Variants in RAC1 observed in about 807,000 individuals in gnomAD.
The protein encoded by RAC1 is Rac family small GTPase 1, also known as ras-related C3 botulinum toxin substrate 1.
Under a neutral mutation model 25.2 loss-of-function variants are expected in RAC1, and 2 were observed. That is an observed-to-expected ratio of 0.08 (90% CI 0.03 to 0.25). The LOEUF (loss-of-function observed/expected upper bound fraction) is 0.25. Among genes scored for constraint, RAC1 ranks in the 10% least tolerant of loss-of-function variants. The pLI, the probability that RAC1 is intolerant of heterozygous loss-of-function variation, is 1.00. For missense variants in RAC1, 50 were observed against 235.7 expected, an observed-to-expected ratio of 0.21 and a Z score of 5.16; for synonymous variants, 88 against 94.0, an observed-to-expected ratio of 0.94 and a Z score of 0.37.
At chr7:6,375,544 G>T (rs2115178530) in intron 1 of RAC1, among the ~76,000 whole-genome samples, 1 of 152,180 alleles carries the variant, frequency 6.6e-6, no homozygotes, top group South Asian at 2.1e-4. Flanking sequence ...CAGGTTTTTT[G>T]ACTTACACTT....
chr7:6,390,087 C>T (rs1286586541), intron 2 of RAC1, among the ~76,000 whole-genome samples: 2 of 109,446 alleles, frequency 1.8e-5, no homozygotes, highest in African/African-American at 7.5e-5. Flanking sequence ...TTGCTCCCTC[C>T]CTCCCTCCCT....
intron 2 of RAC1, among the ~76,000 whole-genome samples, chr7:6,391,107 A>C (rs1783079774): frequency 6.6e-6 from 1 of 152,200 alleles, no homozygotes; most frequent in Non-Finnish European, 1.5e-5. Flanking sequence ...CATGTTGGCC[A>C]GGCTGGTCTC....
At chr7:6,377,990 C>A (rs747867638) in intron 1 of RAC1, among the ~76,000 whole-genome samples, 17 of 152,160 alleles carry the variant, frequency 1.1e-4, no homozygotes, top group African/African-American at 1.7e-4. Context: ...TCCTTTCAGG[C>A]TGTACGTCCC....
intron 2 of RAC1, among the ~76,000 whole-genome samples, chr7:6,388,821 G>C (rs886491991): frequency 3.3e-5 from 5 of 152,182 alleles, no homozygotes; most frequent in Non-Finnish European, 4.4e-5. Context: ...GCTGGGTTCA[G>C]TGTTGTCCCT....
intron 1 of RAC1, among the ~76,000 whole-genome samples, chr7:6,384,547 A>G (rs1782867673): frequency 6.6e-6 from 1 of 152,168 alleles, no homozygotes; most frequent in Non-Finnish European, 1.5e-5. Flanking sequence ...GTGTGATCAC[A>G]GCTCACTGCT....
At chr7:6,399,648 G>T (rs552096047) in intron 3 of RAC1, among the ~76,000 whole-genome samples, 1 of 152,326 alleles carries the variant, frequency 6.6e-6, no homozygotes, top group East Asian at 1.9e-4. Context: ...CCTTGTGGAG[G>T]GAAGGGCTCA....
intron 3 of RAC1, among the ~76,000 whole-genome samples, chr7:6,393,592 C>T (rs376394524): frequency 1.7e-4 from 26 of 152,298 alleles, no homozygotes; most frequent in East Asian, 1.5e-3. Context: ...TAGAGTGTGA[C>T]GCCTGGTATC....
intron 4 of RAC1, among the ~76,000 whole-genome samples, chr7:6,400,394 A>G (rs1783363565): frequency 6.6e-6 from 1 of 151,766 alleles, no homozygotes; most frequent in African/African-American, 2.4e-5. Context: ...TAGTGGTGAC[A>G]TCAGAGCTCA....
intron 1 of RAC1, among the ~76,000 whole-genome samples, chr7:6,382,423 AT>A (rs1451246012): frequency 1.3e-5 from 2 of 152,170 alleles, no homozygotes; most frequent in African/African-American, 4.8e-5. Context: ...GAAAGTTGTT[AT>A]TTTTTGAGCT....
chr7:6,386,691 G>A (rs1782932499), intron 1 of RAC1, among the ~76,000 whole-genome samples: 1 of 151,304 alleles, frequency 6.6e-6, no homozygotes, highest in Non-Finnish European at 1.5e-5. Context: ...GGCTGAGGCA[G>A]GAGAATCGCT....
chr7:6,384,329 C>T (rs1239593490), intron 1 of RAC1, among the ~76,000 whole-genome samples: 6 of 152,312 alleles, frequency 3.9e-5, no homozygotes, highest in Middle Eastern at 3.4e-3. Context: ...GAGTCCCTGG[C>T]GTCCTCAGGC....
intron 2 of RAC1, among the ~76,000 whole-genome samples, 182 bp downstream of exon 2, chr7:6,387,465 G>A (rs1223619793): frequency 6.6e-6 from 1 of 152,096 alleles, no homozygotes; most frequent in Non-Finnish European, 1.5e-5. Context: ...GCTGGGGGTG[G>A]TGATCTCAGC....
rs1310344413 is a variant in RAC1 at position 6,400,106 on chromosome 7, C to T, written c.226-20C>T. Reference sequence around the variant, plus strand: ...TCTAAGGTTGTTGTCTAAATGTTTCCCTGTGTTTCCTTTTTGTAGGATGTG... The same window carrying T: ...TCTAAGGTTGTTGTCTAAATGTTTCTCTGTGTTTCCTTTTTGTAGGATGTG... On this transcript the variant is annotated intron_variant, in intron 3 of 5. Transcript: ENST00000348035. The T allele has an allele frequency of 1.9e-6, 3 of 1,599,108 alleles. No individual in the cohort carries two copies. The South Asian group carries it at 3.3e-5, about 18-fold the overall frequency.
intron 3 of RAC1, among the ~76,000 whole-genome samples, chr7:6,397,050 A>AG (rs1783258326): frequency 6.9e-6 from 1 of 144,742 alleles, no homozygotes; most frequent in Non-Finnish European, 1.5e-5. Context: ...AAAAAAAAAA[A>AG]AAAAGAAAAG....
At chr7:6,382,698 A>G (rs1317071978) in intron 1 of RAC1, among the ~76,000 whole-genome samples, 4 of 152,170 alleles carry the variant, frequency 2.6e-5, no homozygotes, top group Admixed American at 2.0e-4. Context: ...CCCTGTCTCT[A>G]CTGAAAATAC....
intron 3 of RAC1, among the ~76,000 whole-genome samples, chr7:6,396,757 A>G (rs1271648877): frequency 2.6e-5 from 4 of 152,198 alleles, no homozygotes; most frequent in South Asian, 2.1e-4. Flanking sequence ...GTGGCCTGGC[A>G]CGGTGGCTCA....
intron 4 of RAC1, 49 bp downstream of exon 4, chr7:6,400,237 A>C: frequency 6.8e-7 from 1 of 1,480,290 alleles, no homozygotes; most frequent in Non-Finnish European, 9.4e-7. Context: ...TGATCCTCTC[A>C]GAAATAAATA....
chr7:6,376,956 C>T lies in RAC1; in HGVS notation c.35+2186C>T, dbSNP rs995956165. Among the ~76,000 whole-genome samples, 14 of 151,902 alleles carry T rather than the reference C, an allele frequency of 9.2e-5. No homozygotes were observed. The South Asian group carries it at 2.7e-3, about 29-fold the overall frequency. Reference sequence around the variant, plus strand: ...TTGTTGAATGTCATGGAATCTGGACCGTCCCTTCAAATCCCCACCCCACCG... The same window carrying T: ...TTGTTGAATGTCATGGAATCTGGACTGTCCCTTCAAATCCCCACCCCACCG... On this transcript the variant is annotated intron_variant, in intron 1 of 5. Transcript: ENST00000348035.
At chr7:6,376,060 G>T (rs117490141) in intron 1 of RAC1, 1 of 151,432 alleles carries the variant, frequency 6.6e-6, no homozygotes, top group African/African-American at 2.4e-5. Context: ...ACAGATTTTG[G>T]TTCTTGCAAT....
Sources: allele counts gnomAD v4.1 joint callset (sites outside exome capture counted in the v4.1 genomes callset), GRCh38; gene constraint gnomAD v4.1.1; transcripts MANE v1.5; gene names NCBI Gene and HGNC (gene_info 2026-07-23, HGNC 2026-07-21).